FKBP6: variants seen among roughly 807,000 people sequenced by gnomAD.
FKBP6 encodes the protein FKBP prolyl isomerase family member 6 (inactive), also known as inactive peptidyl-prolyl cis-trans isomerase FKBP6.
Under a neutral mutation model 41.7 loss-of-function variants are expected in FKBP6, and 29 were observed. The observed-to-expected ratio is 0.70, with a 90% CI of 0.52 to 0.95. The LOEUF (loss-of-function observed/expected upper bound fraction) is 0.95, where lower values mean the gene tolerates loss of function less well. Among genes scored for constraint, FKBP6 ranks in the 40% least tolerant of loss-of-function variants. FKBP6 has a pLI of 0.00. For missense variants in FKBP6, 338 were observed against 408.7 expected, an observed-to-expected ratio of 0.83 and a Z score of 1.49; for synonymous variants, 130 against 165.1, an observed-to-expected ratio of 0.79 and a Z score of 1.63.
chr7:73,354,802 C>G (rs1186703335), intron 8 of FKBP6, among the ~76,000 whole-genome samples: 2 of 152,190 alleles, frequency 1.3e-5, no homozygotes, highest in Non-Finnish European at 2.9e-5. Flanking sequence ...GGTCTTCTCA[C>G]CAGATGATGT....
chr7:73,349,499 C>T (rs555938595), intron 8 of FKBP6, among the ~76,000 whole-genome samples: 54 of 143,214 alleles, frequency 3.8e-4, no homozygotes, highest in African/African-American at 1.4e-3. Context: ...GTCAGAAGAT[C>T]GAGACCATCC....
chr7:73,332,858 G>A (rs569670940), intron 5 of FKBP6, among the ~76,000 whole-genome samples: 1 of 152,260 alleles, frequency 6.6e-6, no homozygotes, highest in East Asian at 1.9e-4. Flanking sequence ...TCTGACAGTG[G>A]AGGCTCATTT....
At chr7:73,334,162 C>T (rs1424441541) in intron 5 of FKBP6, among the ~76,000 whole-genome samples, 3 of 152,170 alleles carry the variant, frequency 2.0e-5, no homozygotes, top group African/African-American at 4.8e-5. Context: ...TTCCTTTCTA[C>T]GTGACCTGTT....
chr7:73,351,276 C>T (rs924029465), intron 8 of FKBP6, among the ~76,000 whole-genome samples: 13 of 152,122 alleles, frequency 8.5e-5, no homozygotes, highest in Admixed American at 1.3e-4. Context: ...GTGATTCATC[C>T]GCCTCAGCCT....
intron 8 of FKBP6, among the ~76,000 whole-genome samples, chr7:73,346,753 G>A (rs909633144): frequency 2.0e-5 from 3 of 152,138 alleles, no homozygotes; most frequent in Non-Finnish European, 2.9e-5. Context: ...AGGAGTATGC[G>A]GCCTCCCATC....
At chr7:73,331,631 T>G (rs782007581) in intron 4 of FKBP6, 26 bp from the exon 5 acceptor site, 12 of 1,613,748 alleles carry the variant, frequency 7.4e-6, no homozygotes, top group Non-Finnish European at 1.0e-5. Flanking sequence ...GTTTCCTTGC[T>G]GAATATTCCT....
chr7:73,349,458 CT>C (rs1270114119), intron 8 of FKBP6, among the ~76,000 whole-genome samples: 1 of 148,396 alleles, frequency 6.7e-6, no homozygotes, highest in Non-Finnish European at 1.5e-5. Context: ...AATCCCAGCA[CT>C]TTGGGAGGCC....
chr7:73,345,571 A>G (rs1489524290), intron 8 of FKBP6, among the ~76,000 whole-genome samples: 1 of 152,194 alleles, frequency 6.6e-6, no homozygotes, highest in Non-Finnish European at 1.5e-5. Context: ...CTATCCTGAC[A>G]TGCTGGTATC....
At chr7:73,331,374 G>C (rs1253497335) in intron 4 of FKBP6, among the ~76,000 whole-genome samples, 3 of 152,150 alleles carry the variant, frequency 2.0e-5, no homozygotes, top group Non-Finnish European at 4.4e-5. Context: ...CTGGCTCTAG[G>C]GTGTAAAATG....
Position 73,342,853 on chromosome 7 carries a change from A to T in FKBP6, c.940A>T (p.Met314Leu). ...VDKEKEMWHR[M>L]FAPCGDGSTA... The stretch of plus-strand genomic sequence containing the variant: ...TAAAGAGAAAGAAATGTGGCACCGC[A>T]TGTTCGCGCCCTGTGGCGATGGTTC... Residue 314 changes from methionine to leucine, a missense_variant, in exon 8 of 9, where the codon ATG becomes TTG. Transcript: ENST00000252037. 1.2e-6 allele frequency: 2 copies of T among 1,614,098 alleles called. No homozygotes were observed. The highest frequency in any genetic ancestry group is 3.3e-5 in the Admixed American group (2 of 60,034).
At chr7:73,350,744 T>A (rs747903883) in intron 8 of FKBP6, among the ~76,000 whole-genome samples, 1 of 152,136 alleles carries the variant, frequency 6.6e-6, no homozygotes, top group African/African-American at 2.4e-5. Context: ...TGGTCCTGGC[T>A]CAGAGCTGGC....
chr7:73,341,321 C>G lies in FKBP6; in HGVS notation c.832C>G (p.Arg278Gly), dbSNP rs368448146. The change falls in exon 7 of 9, where the codon CGA becomes GGA. Residue 278 changes from arginine to glycine, a missense_variant. Physicochemically the swap from Arg to Gly is moderately radical, Grantham distance 125. Transcript: ENST00000252037. ...EYQKARDFLVRAQKEQPFNHD... is the reference protein window; with the variant it reads ...EYQKARDFLVGAQKEQPFNHD... Reference sequence around the variant, plus strand: ...TCAAAAGGCCCGGGATTTTCTAGTTCGAGCCCAGAAGGAGCAACCCTTCAA... The same window carrying G: ...TCAAAAGGCCCGGGATTTTCTAGTTGGAGCCCAGAAGGAGCAACCCTTCAA... The G allele has an allele frequency of 8.1e-6, 13 of 1,613,678 alleles. No homozygotes were observed. In the African/African-American group the frequency reaches 1.5e-4, roughly 18 times the overall value.
chr7:73,333,660 G>T (rs1330909114), intron 5 of FKBP6, among the ~76,000 whole-genome samples: 3 of 152,208 alleles, frequency 2.0e-5, no homozygotes, highest in African/African-American at 7.2e-5. Context: ...GCCCTATAAT[G>T]CTAGTTTGTG....
intron 8 of FKBP6, among the ~76,000 whole-genome samples, chr7:73,355,853 T>G (rs1805615898): frequency 6.6e-6 from 1 of 151,784 alleles, no homozygotes; most frequent in Non-Finnish European, 1.5e-5. Context: ...GATCACGAGG[T>G]CAGGAGATCG....
At chr7:73,339,325 A>C (rs1332283561) in intron 5 of FKBP6, 1 of 152,286 alleles carries the variant, frequency 6.6e-6, no homozygotes, top group East Asian at 1.9e-4. Context: ...TATTTGTTGA[A>C]AAGACAGTTC....
chr7:73,353,999 C>T (rs1554551514), intron 8 of FKBP6, among the ~76,000 whole-genome samples: 1 of 152,000 alleles, frequency 6.6e-6, no homozygotes, highest in African/African-American at 2.4e-5. Context: ...CCTCCCTAAA[C>T]CTTGTTTTTA....
intron 2 of FKBP6, 42 bp from the exon 3 acceptor site, chr7:73,329,318 T>C: frequency 9.3e-7 from 1 of 1,081,048 alleles, no homozygotes; most frequent in Non-Finnish European, 1.4e-6. Flanking sequence ...GTGGCGTGGG[T>C]GTTTTTGGTC....
intron 6 of FKBP6, 150 bp from the exon 7 acceptor site, chr7:73,341,123 C>G: frequency 1.3e-6 from 1 of 756,490 alleles, no homozygotes; most frequent in Non-Finnish European, 2.4e-6. Flanking sequence ...AGGGTTTTGC[C>G]GTGTTGGCCA....
At position 73,330,228 on chromosome 7, in the gene FKBP6, A is replaced by G; in HGVS notation, c.344A>G (p.Asn115Ser). ...CTGGCCAGGTTTCTGTTCAAACCGAACTACGCCTATGGAACGCTGGGCTGC... is the reference window on the plus strand; with the variant it reads ...CTGGCCAGGTTTCTGTTCAAACCGAGCTACGCCTATGGAACGCTGGGCTGC... ...GELARFLFKP[N>S]YAYGTLGCPP... The change falls in exon 4 of 9, where the codon AAC becomes AGC. Residue 115 changes from asparagine to serine, a missense_variant. Physicochemically the swap from Asn to Ser is conservative, Grantham distance 46. Coordinates refer to ENST00000252037, the MANE Select transcript of FKBP6 (RefSeq NM_003602.5). 1 of 1,614,028 alleles carries G rather than the reference A, an allele frequency of 6.2e-7. No homozygotes were observed. The highest frequency in any genetic ancestry group is 1.1e-5 in the South Asian group (1 of 91,084).
Sources: gnomAD v4.1 joint callset for allele counts (sites outside exome capture counted in the v4.1 genomes callset) on GRCh38, gnomAD v4.1.1 for gene constraint, MANE v1.5 for transcripts, NCBI Gene and HGNC (gene_info 2026-07-23, HGNC 2026-07-21) for gene names.